The following RTN4RL1 variants were observed in gnomAD, a reference collection of about 807,000 sequenced individuals.
RTN4RL1 encodes the protein reticulon 4 receptor like 1.
Under a neutral mutation model 25.6 loss-of-function variants are expected in RTN4RL1, and 7 were observed. The ratio of observed to expected loss-of-function variants is 0.27; its 90% CI spans 0.16 to 0.51. RTN4RL1 has a LOEUF of 0.51. RTN4RL1 is among the 20% of genes least tolerant of loss of function. RTN4RL1 has a pLI of 0.97. For synonymous variants in RTN4RL1, 297 were observed against 288.2 expected (o/e 1.03, Z -0.31); for missense variants, 500 against 615.6 (o/e 0.81, Z 1.99).
At chr17:1,944,641 G>C (rs1330652185) in intron 1 of RTN4RL1, among the ~76,000 whole-genome samples, 2 of 151,990 alleles carry the variant, frequency 1.3e-5, no homozygotes, top group African/African-American at 4.8e-5. Flanking sequence ...ATTTTTAGTA[G>C]AGACGGTGTT....
intron 1 of RTN4RL1, among the ~76,000 whole-genome samples, chr17:1,948,540 GACAGGCAGACAGGCAGACAGGCAGAC>G (rs1306799343): frequency 1.1e-4 from 17 of 151,398 alleles, no homozygotes; most frequent in Admixed American, 5.3e-4. Flanking sequence ...CCCACTGCCG[GACAGGCAGACAGGCAGACAGGCAGAC>G]ACAGGCAGAC....
At chr17:2,013,633 G>GGGGTTTGATAGCTTT (rs1567528149) in intron 1 of RTN4RL1, among the ~76,000 whole-genome samples, 7 of 128,864 alleles carry the variant, frequency 5.4e-5, no homozygotes, top group African/African-American at 2.2e-4. Flanking sequence ...CCCTCACCCT[G>GGGGTTTGATAGCTTT]GAACATAAAT....
Position 2,016,320 on chromosome 17 carries a change from G to T in RTN4RL1, c.13+8533C>A, listed in dbSNP as rs542650517. ...CACTTGAACCCAGGAGGCAGAATTTGCAGTGAGCCAAGATCACACCACTGC... is the reference window on the plus strand; with the variant it reads ...CACTTGAACCCAGGAGGCAGAATTTTCAGTGAGCCAAGATCACACCACTGC... On this transcript the variant is annotated intron_variant, in intron 1 of 1. Transcript: ENST00000331238. 5.3e-5 allele frequency among the ~76,000 whole-genome samples: 8 copies of T among 152,176 alleles called. 1 individual carries two copies. The South Asian group carries it at 1.7e-3, about 31-fold the overall frequency.
rs1381738266 is a variant in RTN4RL1 at position 1,935,866 on chromosome 17, T to C, written c.*630A>G. ...GATTTCAGCCTCTGATGATCTTTCC[T>C]TTGGTAATTGGTTCTTGGACCCCAG... On this transcript the variant is annotated 3_prime_UTR_variant, in exon 2 of 2. Coordinates refer to ENST00000331238, the MANE Select transcript of RTN4RL1 (RefSeq NM_178568.4). 5.1e-6 allele frequency: 5 copies of C among 985,216 alleles called. No individual in the cohort carries two copies. The African/African-American group carries it at 8.8e-5, about 17-fold the overall frequency. 61.0% of individuals were successfully genotyped at this position (985,216 alleles called of 1,614,324 possible). A position where few individuals can be genotyped will look rare whatever the true frequency, so the allele number is the denominator to read the frequency against.
At chr17:1,957,031 C>T (rs1164087789) in intron 1 of RTN4RL1, among the ~76,000 whole-genome samples, 2 of 152,228 alleles carry the variant, frequency 1.3e-5, no homozygotes, top group African/African-American at 4.8e-5. Flanking sequence ...TGAGCCACCG[C>T]GCCCAGCCAG....
At chr17:2,015,451 C>T (rs1235075574) in intron 1 of RTN4RL1, among the ~76,000 whole-genome samples, 1 of 152,084 alleles carries the variant, frequency 6.6e-6, no homozygotes, top group Admixed American at 6.5e-5. Context: ...GCTGAAAGCC[C>T]CCAGAGCCAA....
intron 1 of RTN4RL1, among the ~76,000 whole-genome samples, chr17:1,951,884 A>C (rs1467423076): frequency 6.6e-6 from 1 of 152,174 alleles, no homozygotes; most frequent in Non-Finnish European, 1.5e-5. Flanking sequence ...TTCCTGGCAG[A>C]AAGGCGGAGG....
chr17:1,948,068 TCCAC>T (rs759855712), intron 1 of RTN4RL1, among the ~76,000 whole-genome samples: 69 of 152,130 alleles, frequency 4.5e-4, no homozygotes, highest in Admixed American at 1.4e-3. Flanking sequence ...TGGATTTCAC[TCCAC>T]CCACCCTGAT....
At chr17:1,992,180 C>T (rs536265824) in intron 1 of RTN4RL1, among the ~76,000 whole-genome samples, 37 of 151,804 alleles carry the variant, frequency 2.4e-4, no homozygotes, top group Non-Finnish European at 4.3e-4. Context: ...CTGGCTAACA[C>T]GGTGAAACCC....
chr17:2,015,041 C>T (rs992999094), intron 1 of RTN4RL1, among the ~76,000 whole-genome samples: 5 of 152,056 alleles, frequency 3.3e-5, no homozygotes, highest in Non-Finnish European at 5.9e-5. Flanking sequence ...CTGTGGAATC[C>T]GGCCGCTGTG....
At chr17:1,954,678 G>A (rs1369275370) in intron 1 of RTN4RL1, among the ~76,000 whole-genome samples, 1 of 152,146 alleles carries the variant, frequency 6.6e-6, no homozygotes, top group Non-Finnish European at 1.5e-5. Context: ...AGGAGCCACT[G>A]CGCCCAGCCA....
rs369191737 is a variant in RTN4RL1 at position 2,006,530 on chromosome 17, G to A, written c.13+18323C>T. ...TGCAGTGGTGCAATCATGGTTCACC[G>A]TAGCCTTGACCTACCAGGCTCAAGT... On this transcript the variant is annotated intron_variant, in intron 1 of 1. Transcript: ENST00000331238. 9.9e-5 allele frequency among the ~76,000 whole-genome samples: 15 copies of A among 152,054 alleles called. 1 individual carries two copies. Among genetic ancestry groups the A allele is most frequent in the Admixed American group, 6.5e-4 (10 of 15,280 alleles).
chr17:1,948,671 G>A (rs192783181), intron 1 of RTN4RL1, among the ~76,000 whole-genome samples: 3 of 152,270 alleles, frequency 2.0e-5, no homozygotes, highest in East Asian at 3.9e-4. Flanking sequence ...GTGTTTAGTG[G>A]GGCAGGGGTT....
chr17:1,974,778 A>T (rs866167439), intron 1 of RTN4RL1, among the ~76,000 whole-genome samples: 1 of 151,946 alleles, frequency 6.6e-6, no homozygotes, highest in Non-Finnish European at 1.5e-5. Context: ...CCCCTCTCTC[A>T]CTCTGCTCAC....
chr17:1,982,232 C>T (rs1350040807), intron 1 of RTN4RL1, among the ~76,000 whole-genome samples: 2 of 152,110 alleles, frequency 1.3e-5, no homozygotes, highest in South Asian at 2.1e-4. Context: ...ACCCAGGAGG[C>T]GGAGGTTGCA....
At chr17:1,950,326 C>T (rs1370296474) in intron 1 of RTN4RL1, among the ~76,000 whole-genome samples, 1 of 152,042 alleles carries the variant, frequency 6.6e-6, no homozygotes, top group South Asian at 2.1e-4. Flanking sequence ...GGTCACGGGG[C>T]GGCTTCCCAA....
At chr17:1,979,349 C>T (rs7207442) in intron 1 of RTN4RL1, among the ~76,000 whole-genome samples, 15,053 of 151,854 alleles carry the variant, frequency 0.099, 820 homozygotes, top group Admixed American at 0.13. Flanking sequence ...TGGTGGCACA[C>T]GCCTGTGGTC....
At chr17:1,983,831 G>A (rs529260110) in intron 1 of RTN4RL1, among the ~76,000 whole-genome samples, 60 of 152,066 alleles carry the variant, frequency 3.9e-4, no homozygotes, top group African/African-American at 1.1e-3. Flanking sequence ...TGTGAGCCAC[G>A]GCGCCGGGTC....
At position 1,974,498 on chromosome 17, in the gene RTN4RL1, G is replaced by A. The variant is rs377497463; in HGVS notation, c.14-36690C>T. 2.2e-3 allele frequency among the ~76,000 whole-genome samples: 334 copies of A among 152,344 alleles called. 1 individual carries two copies. The highest frequency in any genetic ancestry group is 7.5e-3 in the African/African-American group (312 of 41,582). On this transcript the variant is annotated intron_variant, in intron 1 of 1. Transcript: ENST00000331238. ...TCAGCTGAGTGTCATTATGTAATTT[G>A]AGGAGAGTTTAATAAAGGGATGATT...
Sources: gnomAD v4.1 joint callset for allele counts (sites outside exome capture counted in the v4.1 genomes callset) on GRCh38, gnomAD v4.1.1 for gene constraint, MANE v1.5 for transcripts, NCBI Gene and HGNC (gene_info 2026-07-23, HGNC 2026-07-21) for gene names.